The following ABHD16A variants were observed in gnomAD, a reference collection of about 807,000 sequenced individuals.
ABHD16A encodes the protein abhydrolase domain containing 16A, phospholipase.
Under a neutral mutation model 89.8 loss-of-function variants are expected in ABHD16A, and 47 were observed. The ratio of observed to expected loss-of-function variants is 0.52; its 90% CI spans 0.41 to 0.67. The LOEUF is 0.67. Among genes scored for constraint, ABHD16A ranks in the 30% least tolerant of loss-of-function variants. ABHD16A has a pLI of 0.00. For synonymous variants in ABHD16A, 251 were observed against 280.4 expected, an observed-to-expected ratio of 0.90 and a Z score of 1.05; for missense variants, 580 against 734.6, an observed-to-expected ratio of 0.79 and a Z score of 2.43.
Position 31,690,047 on chromosome 6 carries a change from G to A in ABHD16A, c.957+31C>T, listed in dbSNP as rs771395494. On this transcript the variant is annotated intron_variant, in intron 11 of 19. Coordinates refer to ENST00000395952, the MANE Select transcript of ABHD16A (RefSeq NM_021160.3). This position sits in a 1 kb window ranked among gnomAD's most constrained non-coding sequence, Gnocchi z 4.1. ...CCAGAGGGAAACAGACATAATTCAGGAAAAGGAAGGGATTCCTGAGATGGT... is the reference window on the plus strand; with the variant it reads ...CCAGAGGGAAACAGACATAATTCAGAAAAAGGAAGGGATTCCTGAGATGGT... The A allele has an allele frequency of 1.1e-5, 17 of 1,561,908 alleles. No homozygotes were observed. The South Asian group carries it at 1.9e-4, about 18-fold the overall frequency.
rs1190272819 is a variant in ABHD16A, at chr6:31,694,387, C to CTTTTTTTTTT, written c.430-965_430-956dup. Among the ~76,000 whole-genome samples, 91 of 77,700 alleles carry CTTTTTTTTTT rather than the reference C, an allele frequency of 1.2e-3. 9 individuals are homozygous for CTTTTTTTTTT. Among genetic ancestry groups the CTTTTTTTTTT allele is most frequent in the South Asian group, 3.2e-3 (6 of 1,898 alleles). The allele number at this position is 77,700 out of a possible 152,430, so 51.0% of individuals were successfully genotyped here. The stretch of plus-strand genomic sequence containing the variant: ...TTTTTGACGGCAGTGGGAGCTGTGT[C>CTTTTTTTTTT]TTTTTTTTTTTTTTTTTTTTTGAGA... On this transcript the variant is annotated intron_variant, in intron 5 of 19. Coordinates refer to ENST00000395952, the MANE Select transcript of ABHD16A (RefSeq NM_021160.3).
At chr6:31,701,051 T>C in intron 3 of ABHD16A, 23 bp from the exon 4 acceptor site, 1 of 1,575,050 alleles carries the variant, frequency 6.3e-7, no homozygotes, top group South Asian at 1.1e-5. Flanking sequence ...AGGGACAATG[T>C]GAGACCCTCT....
At position 31,693,096 on chromosome 6, in the gene ABHD16A, T is replaced by TGAAGCACAC; in HGVS notation, c.556_557insGTGTGCTTC (p.Glu186delinsGlyValLeuGln). ...GTCTGCTGTCCCCCGGTGCAGGGGC[T>TGAAGCACAC]CTGGGCGAAGCAGGGCCACACCCCG... On this transcript the variant is annotated protein_altering_variant, in exon 7 of 20. Coordinates refer to ENST00000395952, the MANE Select transcript of ABHD16A (RefSeq NM_021160.3). This position sits in a 1 kb window ranked among gnomAD's most constrained non-coding sequence, Gnocchi z 5.0. 1 of 1,614,098 alleles carries TGAAGCACAC rather than the reference T, an allele frequency of 6.2e-7. No individual in the cohort carries two copies. The highest frequency in any genetic ancestry group is 8.5e-7 in the Non-Finnish European group (1 of 1,180,016).
At chr6:31,694,388 T>TTTTTTTTC (rs1804196444) in intron 5 of ABHD16A, among the ~76,000 whole-genome samples, 1 of 14,514 alleles carries the variant, frequency 6.9e-5, no homozygotes, top group Admixed American at 1.0e-3. Flanking sequence ...GAGCTGTGTC[T>TTTTTTTTC]TTTTTTTTTT....
intron 4 of ABHD16A, among the ~76,000 whole-genome samples, chr6:31,700,129 C>CT (rs550587908): frequency 0.023 from 3,267 of 139,692 alleles, 45 homozygotes; most frequent in Non-Finnish European, 0.034. Context: ...TTGCATGGAA[C>CT]TTTTTTTTTT....
In ABHD16A at chr6:31,696,993, G is replaced by A; in HGVS notation, c.384C>T (p.Ile128=). The A allele has an allele frequency of 6.2e-7, 1 of 1,613,116 alleles. No homozygotes were observed. The highest frequency in any genetic ancestry group is 8.5e-7 in the Non-Finnish European group (1 of 1,180,028). The part of the protein sequence containing the change: ...RWTNPQYRQF[I]TILEATHRNQ... Reference sequence around the variant, plus strand: ...TCCGATGTGTTGCTTCCAAGATGGTGATGAACTGCCGGTACTGGGGGTTGG... The same window carrying A: ...TCCGATGTGTTGCTTCCAAGATGGTAATGAACTGCCGGTACTGGGGGTTGG... The change falls in exon 5 of 20, where the codon ATC becomes ATT. Residue 128 remains isoleucine, a synonymous_variant. Coordinates refer to ENST00000395952, the MANE Select transcript of ABHD16A (RefSeq NM_021160.3).
chr6:31,697,634 C>A (rs1804526828), intron 4 of ABHD16A, among the ~76,000 whole-genome samples: 1 of 152,212 alleles, frequency 6.6e-6, no homozygotes, highest in African/African-American at 2.4e-5. Flanking sequence ...CTTCCAGTTC[C>A]TGAACAGTTC....
chr6:31,694,387 CTTTTTTTTTT>C (rs1190272819), intron 5 of ABHD16A, among the ~76,000 whole-genome samples: 1 of 77,720 alleles, frequency 1.3e-5, no homozygotes, highest in African/African-American at 5.4e-5. Context: ...GGAGCTGTGT[CTTTTTTTTTT>C]TTTTTTTTTT....
chr6:31,694,072 T>TTTTTTG, intron 5 of ABHD16A, among the ~76,000 whole-genome samples: 1 of 151,726 alleles, frequency 6.6e-6, no homozygotes, highest in Non-Finnish European at 1.5e-5. Context: ...TTTTTTTTTT[T>TTTTTTG]GAGGCAGGGT....
In ABHD16A at chr6:31,687,611, C is replaced by T. The variant is rs1367656207; in HGVS notation, c.1546+31G>A. On this transcript the variant is annotated intron_variant, in intron 18 of 19. Coordinates refer to ENST00000395952, the MANE Select transcript of ABHD16A (RefSeq NM_021160.3). This position sits in a 1 kb window ranked among gnomAD's most constrained non-coding sequence, Gnocchi z 6.3. ...ATTCATCCCCTTCCTAGGCCCTTCCCACCCTCTCTCCTGCCCCAGGAGCTC... is the reference window on the plus strand; with the variant it reads ...ATTCATCCCCTTCCTAGGCCCTTCCTACCCTCTCTCCTGCCCCAGGAGCTC... 1 of 1,612,804 alleles carries T rather than the reference C, an allele frequency of 6.2e-7. No individual in the cohort carries two copies. Among genetic ancestry groups the T allele is most frequent in the Admixed American group, 1.7e-5 (1 of 59,992 alleles).
intron 2 of ABHD16A, among the ~76,000 whole-genome samples, chr6:31,701,840 T>A (rs903905576): frequency 6.6e-6 from 1 of 152,108 alleles, no homozygotes; most frequent in African/African-American, 2.4e-5. Context: ...AGAGTAAACA[T>A]GTTTTCCTTA....
At chr6:31,689,952 G>GAC (rs943476894) in intron 11 of ABHD16A, 126 bp downstream of exon 11, 50 of 1,231,610 alleles carry the variant, frequency 4.1e-5, no homozygotes, top group Non-Finnish European at 5.3e-5. Flanking sequence ...CAACCTCCTA[G>GAC]ACCCCAGCCC....
At chr6:31,699,214 G>A (rs1804666170) in intron 4 of ABHD16A, among the ~76,000 whole-genome samples, 2 of 151,942 alleles carry the variant, frequency 1.3e-5, no homozygotes. Context: ...AGACCATCCT[G>A]GCTAACACGG....
Position 31,690,731 on chromosome 6 carries a change from G to C in ABHD16A, c.844-129C>G. Reference sequence around the variant, plus strand: ...AAGGGCAGGTTTCTGTTTTCTCCAAGGGGAATGGAAGCTTCTCATTCCACA... The same window carrying C: ...AAGGGCAGGTTTCTGTTTTCTCCAACGGGAATGGAAGCTTCTCATTCCACA... On this transcript the variant is annotated intron_variant, in intron 9 of 19. Transcript: ENST00000395952. The surrounding 1 kb of genome is among the most constrained non-coding windows in gnomAD (Gnocchi z 4.1). 1.3e-6 allele frequency: 1 copy of C among 791,552 alleles called. No homozygotes were observed. The highest frequency in any genetic ancestry group is 2.1e-6 in the Non-Finnish European group (1 of 469,014). The allele number at this position is 791,552 out of a possible 1,614,324, so 49.0% of individuals were successfully genotyped here.
chr6:31,691,456 G>A (rs1201184513), intron 9 of ABHD16A, 123 bp downstream of exon 9: 15 of 808,656 alleles, frequency 1.9e-5, no homozygotes, highest in Non-Finnish European at 2.8e-5. Flanking sequence ...TTAGCGTGGA[G>A]CTAGGACATG....
chr6:31,697,725 TAC>T (rs1438189685), intron 4 of ABHD16A, among the ~76,000 whole-genome samples: 1 of 152,174 alleles, frequency 6.6e-6, no homozygotes, highest in Non-Finnish European at 1.5e-5. Context: ...TCTTTTCACT[TAC>T]ACAGTCAGTG....
intron 5 of ABHD16A, among the ~76,000 whole-genome samples, chr6:31,696,733 A>G (rs1435007962): frequency 6.6e-6 from 1 of 152,204 alleles, no homozygotes; most frequent in African/African-American, 2.4e-5. Context: ...CTAGCAGAAT[A>G]TTCCATTAGA....
At position 31,688,683 on chromosome 6, in the gene ABHD16A, G is replaced by C; in HGVS notation, c.1250+40C>G. 6.2e-7 allele frequency: 1 copy of C among 1,608,622 alleles called. No homozygotes were observed. The highest frequency in any genetic ancestry group is 8.5e-7 in the Non-Finnish European group (1 of 1,176,664). On this transcript the variant is annotated intron_variant, in intron 14 of 19. Transcript: ENST00000395952. This position sits in a 1 kb window ranked among gnomAD's most constrained non-coding sequence, Gnocchi z 4.9. ...TTTGAGCGCCCAGCAGAGCTGTATG[G>C]GGGGCAGGTGTTCAATGCCGGACGC... is the stretch of plus-strand genomic sequence containing the variant.
At position 31,689,711 on chromosome 6, in the gene ABHD16A, G is replaced by A. The variant is rs1181197265; in HGVS notation, c.958-7C>T. The A allele has an allele frequency of 3.7e-6, 6 of 1,607,210 alleles. No homozygotes were observed. Among genetic ancestry groups the A allele is most frequent in the African/African-American group, 2.7e-5 (2 of 74,958 alleles). On this transcript the variant is annotated splice_region_variant and splice_polypyrimidine_tract_variant and intron_variant, in intron 11 of 19. Transcript: ENST00000395952. ...TCTGCGGGAATGGCACCCCCTGCAGGAGAAAGGGCAAAGTCAGGAGTGTGT... is the reference window on the plus strand; with the variant it reads ...TCTGCGGGAATGGCACCCCCTGCAGAAGAAAGGGCAAAGTCAGGAGTGTGT...
Sources: gnomAD v4.1 joint callset for allele counts (sites outside exome capture counted in the v4.1 genomes callset) on GRCh38, gnomAD v4.1.1 for gene constraint, Gnocchi (gnomAD v3.1) non-coding constraint, MANE v1.5 for transcripts, NCBI Gene and HGNC (gene_info 2026-07-23, HGNC 2026-07-21) for gene names.